The following HACE1 variants were observed in gnomAD, a reference collection of about 807,000 sequenced individuals.
HACE1 encodes the protein E3 ubiquitin-protein ligase HACE1.
A neutral mutation model predicts 118.4 loss-of-function variants in HACE1; 73 were observed. That is an observed-to-expected ratio of 0.62 (90% confidence interval 0.51 to 0.75). The LOEUF (loss-of-function observed/expected upper bound fraction) is 0.75. Among genes scored for constraint, HACE1 ranks in the 30% least tolerant of loss-of-function variants. HACE1 has a pLI of 0.00. For synonymous variants in HACE1, 368 were observed against 374.8 expected, an observed-to-expected ratio of 0.98 and a Z score of 0.21; for missense variants, 749 against 1,102.2, an observed-to-expected ratio of 0.68 and a Z score of 4.54.
chr6:104,784,034 T>C (rs558251049), intron 14 of HACE1, 52 bp downstream of exon 14: 164 of 909,076 alleles, frequency 1.8e-4, no homozygotes, highest in Non-Finnish European at 2.9e-4. Flanking sequence ...GTATTAGAAT[T>C]TTAGAAATTA....
chr6:104,741,367 A>G (rs991960316), intron 22 of HACE1, among the ~76,000 whole-genome samples: 2 of 150,672 alleles, frequency 1.3e-5, no homozygotes, highest in Non-Finnish European at 2.9e-5. Flanking sequence ...AGGAAGTCAA[A>G]TTGTCCCTGT....
intron 19 of HACE1, among the ~76,000 whole-genome samples, chr6:104,763,687 G>A (rs1370239807): frequency 6.6e-6 from 1 of 152,070 alleles, no homozygotes; most frequent in Admixed American, 6.5e-5. Context: ...GAATATCTGT[G>A]CCAGCTGTTA....
At chr6:104,852,232 C>A (rs112119485) in intron 2 of HACE1, 85 bp downstream of exon 2, 5 of 539,560 alleles carry the variant, frequency 9.3e-6, no homozygotes, top group Non-Finnish European at 1.7e-5. Context: ...TGTGTGTGCG[C>A]GCGTGCGCGT....
At chr6:104,772,116 T>C (rs757720567) in intron 17 of HACE1, 42 bp from the exon 18 acceptor site, 17 of 1,123,540 alleles carry the variant, frequency 1.5e-5, no homozygotes, top group South Asian at 8.0e-5. Context: ...TAAGAATCTA[T>C]ATGCAGAAGA....
At chr6:104,820,785 C>G (rs886123058) in intron 6 of HACE1, among the ~76,000 whole-genome samples, 1 of 152,158 alleles carries the variant, frequency 6.6e-6, no homozygotes, top group African/African-American at 2.4e-5. Flanking sequence ...GTGGTGATTC[C>G]TCAAAGACCT....
intron 2 of HACE1, among the ~76,000 whole-genome samples, chr6:104,852,055 G>A (rs2486141): frequency 0.44 from 66,659 of 152,056 alleles, 16,106 homozygotes; most frequent in East Asian, 0.58. Context: ...CAAATACTTA[G>A]TATTTCAATA....
At chr6:104,840,298 C>T (rs547244768) in intron 5 of HACE1, among the ~76,000 whole-genome samples, 4 of 152,208 alleles carry the variant, frequency 2.6e-5, no homozygotes, top group Non-Finnish European at 4.4e-5. Flanking sequence ...GAATAGTTTT[C>T]GTGTACTCAA....
At position 104,728,872 on chromosome 6, in the gene HACE1, C is replaced by T. The variant is rs1227629616; in HGVS notation, c.*790G>A. On this transcript the variant is annotated 3_prime_UTR_variant, in exon 24 of 24. Coordinates refer to ENST00000262903, the MANE Select transcript of HACE1 (RefSeq NM_020771.4). ...AAATTATAATTTGCACATCAGATTA[C>T]TTTTTCAGATGTGTCAGAGCTCACA... 1.3e-5 allele frequency: 2 copies of T among 152,494 alleles called. No individual in the cohort carries two copies. Among genetic ancestry groups the T allele is most frequent in the African/African-American group, 4.8e-5 (2 of 41,434 alleles). 9.4% of individuals were successfully genotyped at this position (152,494 alleles called of 1,614,324 possible).
chr6:104,762,277 T>C (rs992295650), intron 19 of HACE1, among the ~76,000 whole-genome samples: 1 of 152,130 alleles, frequency 6.6e-6, no homozygotes, highest in Non-Finnish European at 1.5e-5. Flanking sequence ...CTGTTCACAA[T>C]AGCAAAGACT....
chr6:104,825,796 T>C (rs1267386607), intron 6 of HACE1, among the ~76,000 whole-genome samples: 2 of 152,188 alleles, frequency 1.3e-5, no homozygotes, highest in African/African-American at 4.8e-5. Context: ...AATATCTGCT[T>C]TTGCTGCTTC....
intron 11 of HACE1, among the ~76,000 whole-genome samples, chr6:104,788,671 T>C (rs2114821268): frequency 6.6e-6 from 1 of 152,166 alleles, no homozygotes; most frequent in South Asian, 2.1e-4. Flanking sequence ...AGCTTACTAT[T>C]CACAAAAAAA....
intron 7 of HACE1, among the ~76,000 whole-genome samples, chr6:104,806,100 A>G (rs1282401120): frequency 1.3e-5 from 2 of 152,196 alleles, no homozygotes; most frequent in Non-Finnish European, 2.9e-5. Flanking sequence ...TAACATTTTT[A>G]GAAAGCTGGA....
At chr6:104,846,990 T>C (rs974135029) in intron 4 of HACE1, among the ~76,000 whole-genome samples, 4 of 152,266 alleles carry the variant, frequency 2.6e-5, no homozygotes, top group South Asian at 2.1e-4. Context: ...ATGTGAATCA[T>C]GTAATATCTG....
At position 104,730,392 on chromosome 6, in the gene HACE1, A is replaced by G; in HGVS notation, c.2538T>C (p.Phe846=). The change falls in exon 23 of 24, where the codon TTT becomes TTC. Residue 846 remains phenylalanine, a synonymous_variant. Transcript: ENST00000262903. ...ATCCACTTCCACCCATGATATTAGC[A>G]AACCCACCATGTGGGACCCTGGAAC... ...TGSSRVPHGG[F]ANIMGGSGLQ... is the part of the protein sequence containing the mutation. 1 of 1,569,202 alleles carries G rather than the reference A, an allele frequency of 6.4e-7. No homozygotes were observed. The highest frequency in any genetic ancestry group is 1.1e-5 in the South Asian group (1 of 90,200).
At chr6:104,859,090 T>G (rs891791243) in intron 1 of HACE1, among the ~76,000 whole-genome samples, 4 of 152,328 alleles carry the variant, frequency 2.6e-5, no homozygotes, top group African/African-American at 9.6e-5. Context: ...TTTGTTTGCC[T>G]GTTATCAAAA....
At chr6:104,853,266 T>C (rs1044515693) in intron 1 of HACE1, among the ~76,000 whole-genome samples, 5 of 152,208 alleles carry the variant, frequency 3.3e-5, no homozygotes, top group Non-Finnish European at 1.5e-5. Context: ...AGAAATACAT[T>C]TGTTTTCTTT....
intron 7 of HACE1, among the ~76,000 whole-genome samples, chr6:104,804,036 G>A (rs1373488672): frequency 6.6e-6 from 1 of 152,030 alleles, no homozygotes; most frequent in African/African-American, 2.4e-5. Context: ...CAAAATCAAT[G>A]GGCAAAAATC....
At chr6:104,844,946 G>T (rs1191348552) in intron 4 of HACE1, among the ~76,000 whole-genome samples, 1 of 152,104 alleles carries the variant, frequency 6.6e-6, no homozygotes, top group African/African-American at 2.4e-5. Flanking sequence ...TTACAGGCGT[G>T]AGCCACCACA....
chr6:104,807,376 C>T (rs780536567), intron 7 of HACE1, among the ~76,000 whole-genome samples: 3 of 152,092 alleles, frequency 2.0e-5, no homozygotes, highest in South Asian at 4.2e-4. Flanking sequence ...CTAACTGAAA[C>T]GAGTTGCTTC....
Sources: allele counts gnomAD v4.1 joint callset (sites outside exome capture counted in the v4.1 genomes callset), GRCh38; gene constraint gnomAD v4.1.1; transcripts MANE v1.5; gene names NCBI Gene and HGNC (gene_info 2026-07-23, HGNC 2026-07-21).